The following TTC6 variants were observed in gnomAD, a reference collection of about 807,000 sequenced individuals.
TTC6 encodes tetratricopeptide repeat domain 6.
In TTC6, 172 loss-of-function variants were observed where a neutral mutation model predicts 210.4. That is an observed-to-expected ratio of 0.82 (90% CI 0.72 to 0.93). The LOEUF is 0.93. TTC6 is among the 40% of genes least tolerant of loss of function. The pLI is 0.00. For missense variants in TTC6, 2,414 were observed against 2,318.1 expected (o/e 1.04, Z -0.85); for synonymous variants, 804 against 819.6 (o/e 0.98, Z 0.32).
intron 2 of TTC6, among the ~76,000 whole-genome samples, chr14:37,607,654 G>A (rs1419182766): frequency 1.3e-5 from 2 of 149,960 alleles, no homozygotes; most frequent in Non-Finnish European, 3.0e-5. Flanking sequence ...TTTGAGACAG[G>A]GTCCTGCTCT....
intron 6 of TTC6, among the ~76,000 whole-genome samples, chr14:37,715,950 C>T (rs1021134248): frequency 5.9e-5 from 9 of 152,212 alleles, no homozygotes; most frequent in Non-Finnish European, 1.3e-4. Flanking sequence ...AATAAAATTT[C>T]CTTCTCCTTT....
intron 18 of TTC6, among the ~76,000 whole-genome samples, chr14:37,795,567 C>A (rs747795246): frequency 6.6e-6 from 1 of 152,106 alleles, no homozygotes; most frequent in Non-Finnish European, 1.5e-5. Flanking sequence ...ACCCTTGCAT[C>A]AAAATATACC....
intron 1 of TTC6, among the ~76,000 whole-genome samples, chr14:37,671,933 C>T (rs1393458401): frequency 6.6e-6 from 1 of 152,130 alleles, no homozygotes; most frequent in East Asian, 1.9e-4. Flanking sequence ...GCCTGCTTCA[C>T]CTTCCACCAT....
chr14:37,767,067 A>G (rs1440665645), intron 14 of TTC6, among the ~76,000 whole-genome samples: 1 of 152,014 alleles, frequency 6.6e-6, no homozygotes, highest in Non-Finnish European at 1.5e-5. Flanking sequence ...TTTTGTTCTC[A>G]TGATAGTTTA....
chr14:37,835,652 G>A (rs2096196063), intron 29 of TTC6, among the ~76,000 whole-genome samples: 1 of 152,128 alleles, frequency 6.6e-6, no homozygotes, highest in Non-Finnish European at 1.5e-5. Context: ...GGAGTGAACG[G>A]TGAAGAAAGA....
chr14:37,732,205 G>A (rs12897413), intron 7 of TTC6, among the ~76,000 whole-genome samples: 3 of 114,164 alleles, frequency 2.6e-5, no homozygotes, highest in African/African-American at 3.5e-5. Context: ...TTTTTTGAGA[G>A]AGAGTCTCAC....
chr14:37,806,580 G>T, intron 22 of TTC6, 70 bp downstream of exon 24: 2 of 1,371,558 alleles, frequency 1.5e-6, no homozygotes, highest in East Asian at 2.6e-5. Context: ...TCTTTTATGT[G>T]CCATTGTTAT....
intron 2 of TTC6, among the ~76,000 whole-genome samples, chr14:37,610,657 G>A (rs2139248091): frequency 6.6e-6 from 1 of 152,280 alleles, no homozygotes; most frequent in Admixed American, 6.5e-5. Flanking sequence ...ATGTTAACTA[G>A]CATCCCGACT....
At chr14:37,616,887 T>A (rs551280128) in intron 2 of TTC6, among the ~76,000 whole-genome samples, 15 of 152,164 alleles carry the variant, frequency 9.9e-5, no homozygotes, top group Admixed American at 2.6e-4. Context: ...TTAAAAAAAA[T>A]TATTTTTATT....
chr14:37,641,515 A>G (rs1274558774), intron 1 of TTC6, among the ~76,000 whole-genome samples: 8 of 152,184 alleles, frequency 5.3e-5, no homozygotes, highest in African/African-American at 1.7e-4. Context: ...ATATTCTTTT[A>G]TAAGTACCTG....
chr14:37,769,767 T>G (rs1484206552), intron 14 of TTC6, among the ~76,000 whole-genome samples: 2 of 152,072 alleles, frequency 1.3e-5, no homozygotes, highest in African/African-American at 4.8e-5. Context: ...CTGGATTCAT[T>G]AATTTTTTGA....
chr14:37,707,658 A>G (rs949489364), intron 5 of TTC6, among the ~76,000 whole-genome samples: 3 of 152,112 alleles, frequency 2.0e-5, no homozygotes, highest in Admixed American at 1.3e-4. Context: ...GTTTCCTATA[A>G]TAAATCTTTC....
upstream of TTC6, among the ~76,000 whole-genome samples, chr14:37,620,022 AC>A (rs974857364): frequency 1.3e-5 from 2 of 152,168 alleles, no homozygotes; most frequent in African/African-American, 4.8e-5. Context: ...AAATTTAATC[AC>A]CTAGTTTCAG....
intron 7 of TTC6, among the ~76,000 whole-genome samples, chr14:37,730,082 C>A (rs1047483044): frequency 7.2e-5 from 11 of 152,146 alleles, no homozygotes; most frequent in African/African-American, 2.7e-4. Context: ...TCAAGCTCAC[C>A]TGACATTTTC....
intron 23 of TTC6, 77 bp downstream of exon 25, chr14:37,807,537 A>T: frequency 1.6e-6 from 2 of 1,274,206 alleles, no homozygotes; most frequent in Non-Finnish European, 2.1e-6. Context: ...GGACTCACTT[A>T]CTTTTTTTCT....
rs200561416 is a variant in TTC6, at chr14:37,766,657, T to C, written c.3266+13422T>C. Among the ~76,000 whole-genome samples, 9 of 152,190 alleles carry C rather than the reference T, an allele frequency of 5.9e-5. No homozygotes were observed. The East Asian group carries it at 1.7e-3, about 29-fold the overall frequency. Reference sequence around the variant, plus strand: ...TCCATGTCTTTACTATTGTGAAAATTGCTTCAGTGAACATACACATGCATG... The same window carrying C: ...TCCATGTCTTTACTATTGTGAAAATCGCTTCAGTGAACATACACATGCATG... On this transcript the variant is annotated intron_variant, in intron 14 of 30. Transcript: ENST00000553443.
At chr14:37,795,244 C>T (rs2096089822) in intron 17 of TTC6, 26 bp from the exon 20 acceptor site, 2 of 1,482,522 alleles carry the variant, frequency 1.3e-6, no homozygotes, top group Non-Finnish European at 9.1e-7. Context: ...TTATTAGGAG[C>T]TAAATTTCTG....
At chr14:37,794,174 A>G (rs1271900404) in intron 17 of TTC6, among the ~76,000 whole-genome samples, 2 of 152,176 alleles carry the variant, frequency 1.3e-5, no homozygotes, top group Non-Finnish European at 2.9e-5. Flanking sequence ...ATGTGGACAT[A>G]TGACTATATG....
At chr14:37,792,773 ATGTTG>A (rs1278626352) in intron 17 of TTC6, among the ~76,000 whole-genome samples, 25 of 133,988 alleles carry the variant, frequency 1.9e-4, no homozygotes, top group African/African-American at 6.4e-4. Flanking sequence ...CTATGGTCCA[ATGTTG>A]TGTGTGTGTG....
Sources: allele counts gnomAD v4.1 joint callset (sites outside exome capture counted in the v4.1 genomes callset), GRCh38; gene constraint gnomAD v4.1.1; transcripts MANE v1.5; gene names NCBI Gene and HGNC (gene_info 2026-07-23, HGNC 2026-07-21).